Variants in ARMC6 observed in about 807,000 individuals in gnomAD.
ARMC6 encodes armadillo repeat-containing protein 6.
ARMC6 carries 43 observed loss-of-function variants against 49.2 expected under a neutral mutation model. That is an observed-to-expected ratio of 0.87 (90% confidence interval 0.69 to 1.13). The LOEUF is 1.13. Ranked by LOEUF, ARMC6 falls within the 50% of genes most tolerant of loss-of-function variation. The pLI is 0.00. For synonymous variants in ARMC6, 262 were observed against 289.6 expected (o/e 0.90, Z 0.97); for missense variants, 627 against 682.0 (o/e 0.92, Z 0.90).
rs117712409 is a variant in ARMC6 at position 19,034,434 on chromosome 19, A to G, written c.29+196A>G. Among the ~76,000 whole-genome samples the G allele has an allele frequency of 7.6e-3, 1,159 of 152,224 alleles. 4 individuals carry two copies. The highest frequency in any genetic ancestry group is 0.012 in the Non-Finnish European group (786 of 68,006). ...GTTCTGAGAGGGTTGGGAAGCCACT[A>G]CCGGGCTTTGAGCACGTGAGTGAGG... On this transcript the variant is annotated intron_variant, in intron 2 of 8. Coordinates refer to ENST00000535612, the MANE Select transcript of ARMC6 (RefSeq NM_001199196.2).
chr19:19,051,748 G>A lies in ARMC6; in HGVS notation c.406G>A (p.Ala136Thr). The A allele has an allele frequency of 6.2e-7, 1 of 1,613,972 alleles. No individual in the cohort carries two copies. The highest frequency in any genetic ancestry group is 2.2e-5 in the East Asian group (1 of 44,886). The change falls in exon 5 of 9, where the codon GCC becomes ACC. Residue 136 changes from alanine (A) to threonine (T), a missense_variant. Coordinates refer to ENST00000535612, the MANE Select transcript of ARMC6 (RefSeq NM_001199196.2). The stretch of plus-strand genomic sequence containing the variant: ...CCGCTTCCTCGCGGCCCAGAAGGGG[G>A]CCTACCCCATCATCTTCACTGCCTG... ...ACRFLAAQKG[A>T]YPIIFTAWKL...
chr19:19,046,647 AC>A (rs1335535353), intron 4 of ARMC6, among the ~76,000 whole-genome samples: 11 of 151,940 alleles, frequency 7.2e-5, no homozygotes, highest in Admixed American at 2.0e-4. Context: ...GGCGTGCACC[AC>A]CACGCCCAGC....
chr19:19,045,595 C>T (rs953340722), intron 4 of ARMC6, among the ~76,000 whole-genome samples: 3 of 149,062 alleles, frequency 2.0e-5, no homozygotes, highest in Non-Finnish European at 3.0e-5. Flanking sequence ...TCAAGCAATT[C>T]TCCTGCCTCA....
At chr19:19,048,891 T>G (rs2059473403) in intron 4 of ARMC6, among the ~76,000 whole-genome samples, 1 of 152,124 alleles carries the variant, frequency 6.6e-6, no homozygotes, top group African/African-American at 2.4e-5. Flanking sequence ...GTCTTATTGC[T>G]ACAAAAAAGT....
chr19:19,057,802 T>G lies in ARMC6; in HGVS notation c.*174T>G. 69 of 768,252 alleles carry G rather than the reference T, an allele frequency of 9.0e-5. No individual in the cohort carries two copies. The highest frequency in any genetic ancestry group is 1.0e-4 in the Non-Finnish European group (45 of 430,876). 47.6% of individuals were successfully genotyped at this position (768,252 alleles called of 1,614,324 possible). On this transcript the variant is annotated 3_prime_UTR_variant, in exon 9 of 9. Transcript: ENST00000535612. ...GGGGGGAGCCTTGTAGGGAGGCCTC[T>G]ACACAGAAGAAAGCAGCCCCCATGT... is the stretch of plus-strand genomic sequence containing the variant.
chr19:19,057,498 C>T lies in ARMC6; in HGVS notation c.1376C>T (p.Ala459Val), dbSNP rs758350511. 3 of 1,614,082 alleles carry T rather than the reference C, an allele frequency of 1.9e-6. No homozygotes were observed. The highest frequency in any genetic ancestry group is 2.5e-6 in the Non-Finnish European group (3 of 1,180,030). The change falls in exon 9 of 9, where the codon GCA (alanine) becomes GTA (valine). Residue 459 changes from alanine (A) to valine (V), a missense_variant. Transcript: ENST00000535612. ...SKPILDLGAEALIMQARSAHR... is the reference protein window; with the variant it reads ...SKPILDLGAEVLIMQARSAHR... Reference sequence around the variant, plus strand: ...CCCATCCTGGACCTGGGGGCTGAGGCACTCATCATGCAGGCCCGATCTGCC... The same window carrying T: ...CCCATCCTGGACCTGGGGGCTGAGGTACTCATCATGCAGGCCCGATCTGCC...
intron 5 of ARMC6, among the ~76,000 whole-genome samples, chr19:19,053,844 CT>C (rs36029259): frequency 0.73 from 107,737 of 146,620 alleles, 39,434 homozygotes; most frequent in East Asian, 0.88. Context: ...CTTCAGATGT[CT>C]TTTTTTTTTT....
At chr19:19,036,490 A>G (rs1283734878) in intron 2 of ARMC6, among the ~76,000 whole-genome samples, 1 of 152,232 alleles carries the variant, frequency 6.6e-6, no homozygotes, top group Admixed American at 6.5e-5. Context: ...GTGACATTCA[A>G]CAAAATTGTT....
chr19:19,040,512 G>A (rs10408567), intron 2 of ARMC6, among the ~76,000 whole-genome samples: 3,561 of 152,236 alleles, frequency 0.023, 134 homozygotes, highest in African/African-American at 0.081. Flanking sequence ...CTGGATTCAA[G>A]TGATCCTCCC....
intron 2 of ARMC6, among the ~76,000 whole-genome samples, chr19:19,040,476 A>G (rs937733741): frequency 2.6e-5 from 4 of 152,060 alleles, no homozygotes; most frequent in African/African-American, 7.2e-5. Context: ...GTGTCTCGCT[A>G]CGTTGGCCAG....
chr19:19,054,989 G>A (rs1286073229), intron 6 of ARMC6, among the ~76,000 whole-genome samples: 7 of 152,222 alleles, frequency 4.6e-5, no homozygotes, highest in African/African-American at 1.4e-4. Flanking sequence ...CCCTGGGTCT[G>A]TGGCCGTGGA....
chr19:19,052,088 T>C lies in ARMC6; in HGVS notation c.746T>C (p.Met249Thr). 27 of 1,613,954 alleles carry C rather than the reference T, an allele frequency of 1.7e-5. No homozygotes were observed. Among genetic ancestry groups the C allele is most frequent in the Non-Finnish European group, 2.3e-5 (27 of 1,180,048 alleles). Residue 249 changes from methionine (M) to threonine (T), a missense_variant, in exon 5 of 9, where the codon ATG (methionine) becomes ACG (threonine). Coordinates refer to ENST00000535612, the MANE Select transcript of ARMC6 (RefSeq NM_001199196.2). ...GAAGCCTGCTGGGCCCTGCGTGTCA[T>C]GACCTTCGATGACGACATCCGTGTG... ...VREACWALRVMTFDDDIRVPF... is the reference protein window; with the variant it reads ...VREACWALRVTTFDDDIRVPF...
intron 2 of ARMC6, among the ~76,000 whole-genome samples, chr19:19,036,730 T>C (rs764434160): frequency 9.9e-5 from 15 of 152,234 alleles, no homozygotes; most frequent in Non-Finnish European, 1.8e-4. Context: ...ATAAACTTGC[T>C]GAATTGCCTC....
At chr19:19,051,375 CTGTGTGTGTGTG>C (rs35164662) in intron 4 of ARMC6, among the ~76,000 whole-genome samples, 80 of 139,760 alleles carry the variant, frequency 5.7e-4, no homozygotes, top group East Asian at 5.0e-3. Flanking sequence ...CTCTCTCTCT[CTGTGTGTGTGTG>C]TGTGTGTGTG....
chr19:19,056,246 G>A (rs2059543499), intron 8 of ARMC6, among the ~76,000 whole-genome samples: 2 of 150,688 alleles, frequency 1.3e-5, no homozygotes. Flanking sequence ...GCTATAACAC[G>A]TAATCTCCTT....
At chr19:19,045,887 G>A (rs996171771) in intron 4 of ARMC6, among the ~76,000 whole-genome samples, 17 of 152,140 alleles carry the variant, frequency 1.1e-4, no homozygotes, top group African/African-American at 3.6e-4. Context: ...TCCTGACCTC[G>A]TGATCCGTCT....
intron 4 of ARMC6, among the ~76,000 whole-genome samples, chr19:19,050,849 T>G (rs2059489869): frequency 6.6e-6 from 1 of 152,208 alleles, no homozygotes; most frequent in East Asian, 1.9e-4. Context: ...ACCACCCTGA[T>G]TCAGTCTGAG....
intron 4 of ARMC6, among the ~76,000 whole-genome samples, chr19:19,048,954 C>T (rs2145867064): frequency 6.6e-6 from 1 of 152,040 alleles, no homozygotes; most frequent in East Asian, 1.9e-4. Context: ...TAAAATGAGA[C>T]ATATTTGACC....
In ARMC6 at chr19:19,057,773, G is replaced by A; in HGVS notation, c.*145G>A. The A allele has an allele frequency of 1.1e-6, 1 of 902,086 alleles. No homozygotes were observed. The highest frequency in any genetic ancestry group is 1.3e-5 in the South Asian group (1 of 76,534). 55.9% of individuals were successfully genotyped at this position (902,086 alleles called of 1,614,324 possible). ...TGGCAGGCCCTAGGTAAAGGGTCGG[G>A]GGAGGGGGGAGCCTTGTAGGGAGGC... On this transcript the variant is annotated 3_prime_UTR_variant, in exon 9 of 9. Coordinates refer to ENST00000535612, the MANE Select transcript of ARMC6 (RefSeq NM_001199196.2).
Sources: allele counts gnomAD v4.1 joint callset (sites outside exome capture counted in the v4.1 genomes callset), GRCh38; gene constraint gnomAD v4.1.1; transcripts MANE v1.5; gene names NCBI Gene and HGNC (gene_info 2026-07-23, HGNC 2026-07-21).